ADAM12: variants seen among roughly 807,000 people sequenced by gnomAD.
ADAM12 encodes disintegrin and metalloproteinase domain-containing protein 12.
Under a neutral mutation model 106.4 loss-of-function variants are expected in ADAM12, and 70 were observed. That is an observed-to-expected ratio of 0.66 (90% CI 0.54 to 0.80). The LOEUF (loss-of-function observed/expected upper bound fraction) is 0.80, where lower values mean the gene tolerates loss of function less well. Among genes scored for constraint, ADAM12 ranks in the 30% least tolerant of loss-of-function variants. The pLI is 0.00. For missense variants in ADAM12, 1,010 were observed against 1,171.9 expected (o/e 0.86, Z 2.02); for synonymous variants, 420 against 433.5 (o/e 0.97, Z 0.39).
chr10:126,319,518 C>G (rs1441542336), intron 2 of ADAM12, among the ~76,000 whole-genome samples: 1 of 152,152 alleles, frequency 6.6e-6, no homozygotes, highest in South Asian at 2.1e-4. Flanking sequence ...CTATGCCACA[C>G]CTGATCTCTA....
chr10:126,178,355 G>A (rs1447839576), intron 3 of ADAM12, among the ~76,000 whole-genome samples: 3 of 149,830 alleles, frequency 2.0e-5, no homozygotes, highest in Admixed American at 1.3e-4. Flanking sequence ...TAGGAAAATC[G>A]AGAAATACTT....
Position 126,388,165 on chromosome 10 carries a change from A to C in ADAM12, c.-20T>G. 1.7e-6 allele frequency: 2 copies of C among 1,206,418 alleles called. No homozygotes were observed. Among genetic ancestry groups the C allele is most frequent in the Non-Finnish European group, 2.1e-6 (2 of 971,550 alleles). 74.7% of individuals were successfully genotyped at this position (1,206,418 alleles called of 1,614,324 possible). A position where few individuals can be genotyped will look rare whatever the true frequency, so the allele number is the denominator to read the frequency against. On this transcript the variant is annotated 5_prime_UTR_variant, in exon 1 of 23. Coordinates refer to ENST00000448723, the MANE Select transcript of ADAM12 (RefSeq NM_001288973.2). This position sits in a 1 kb window ranked among gnomAD's most constrained non-coding sequence, Gnocchi z 4.4. ...TGCCATCGTCGCCGGCCTTCAGTGC[A>C]GCAGCTCTCGGGCCCGGCGGCGAGC...
intron 3 of ADAM12, among the ~76,000 whole-genome samples, chr10:126,203,805 C>T (rs1020304148): frequency 6.6e-6 from 1 of 152,188 alleles, no homozygotes; most frequent in African/African-American, 2.4e-5. Context: ...CCCACAGAGA[C>T]TGTGCTATGG....
At chr10:126,368,258 T>C (rs1264781717) in intron 1 of ADAM12, among the ~76,000 whole-genome samples, 4 of 151,938 alleles carry the variant, frequency 2.6e-5, no homozygotes, top group African/African-American at 7.2e-5. Flanking sequence ...GGCTACCCAG[T>C]TGTTATTTAT....
intron 11 of ADAM12, among the ~76,000 whole-genome samples, chr10:126,086,420 A>C (rs983841656): frequency 3.3e-5 from 5 of 149,614 alleles, no homozygotes; most frequent in Non-Finnish European, 5.9e-5. Flanking sequence ...TCACACCTGT[A>C]ATCCCAGCAC....
At chr10:126,341,813 T>C (rs1214560551) in intron 1 of ADAM12, among the ~76,000 whole-genome samples, 2 of 152,072 alleles carry the variant, frequency 1.3e-5, no homozygotes, top group Non-Finnish European at 2.9e-5. Context: ...GGGCACAGGG[T>C]GATGATTTGA....
chr10:126,316,515 T>C (rs1020601531), intron 2 of ADAM12, among the ~76,000 whole-genome samples: 9 of 151,958 alleles, frequency 5.9e-5, no homozygotes, highest in African/African-American at 1.9e-4. Context: ...TGGCTATACA[T>C]GTAAATTGAT....
intron 18 of ADAM12, among the ~76,000 whole-genome samples, chr10:126,040,217 T>C (rs1354825171): frequency 6.6e-6 from 1 of 152,246 alleles, no homozygotes; most frequent in Non-Finnish European, 1.5e-5. Context: ...GGACTCTAAA[T>C]GCTCAGACTT....
chr10:126,377,700 C>G (rs1200922137), intron 1 of ADAM12, among the ~76,000 whole-genome samples: 1 of 152,152 alleles, frequency 6.6e-6, no homozygotes, highest in Non-Finnish European at 1.5e-5. Context: ...GTACGGGATA[C>G]TGAGAACAAT....
chr10:126,228,424 C>G (rs948356028), intron 3 of ADAM12, among the ~76,000 whole-genome samples: 3 of 152,136 alleles, frequency 2.0e-5, no homozygotes, highest in Non-Finnish European at 4.4e-5. Context: ...CAAAAAGTAA[C>G]TTCAAATGTA....
At chr10:126,156,698 G>A (rs1956821981) in intron 3 of ADAM12, among the ~76,000 whole-genome samples, 1 of 152,222 alleles carries the variant, frequency 6.6e-6, no homozygotes, top group Non-Finnish European at 1.5e-5. Context: ...CATCCTGCAA[G>A]GGAAAGGCTT....
intron 6 of ADAM12, 145 bp from the exon 7 acceptor site, chr10:126,109,985 T>A: frequency 1.6e-6 from 1 of 612,468 alleles, no homozygotes; most frequent in Non-Finnish European, 2.6e-6. Context: ...CATCTAGAAG[T>A]TTACCCCAAC....
intron 1 of ADAM12, among the ~76,000 whole-genome samples, chr10:126,376,717 G>T (rs1291885716): frequency 2.0e-5 from 3 of 152,144 alleles, no homozygotes; most frequent in East Asian, 1.9e-4. Context: ...TAGCCTACAA[G>T]TCCCCATACA....
chr10:126,034,349 A>G (rs7923808), intron 21 of ADAM12, among the ~76,000 whole-genome samples: 2,761 of 152,312 alleles, frequency 0.018, 78 homozygotes, highest in East Asian at 0.11. Context: ...AAAACCCCAC[A>G]TAACAGAGTA....
chr10:126,387,118 G>A (rs1449757213), intron 1 of ADAM12, among the ~76,000 whole-genome samples: 2 of 152,212 alleles, frequency 1.3e-5, no homozygotes, highest in Non-Finnish European at 2.9e-5. Context: ...TAGAATCACA[G>A]AACTTGAGAG....
At chr10:126,018,738 A>C (rs912931290) in intron 22 of ADAM12, among the ~76,000 whole-genome samples, 2 of 152,096 alleles carry the variant, frequency 1.3e-5, no homozygotes, top group Non-Finnish European at 2.9e-5. Context: ...TCCCAGCATA[A>C]GTTGGGATTG....
intron 3 of ADAM12, among the ~76,000 whole-genome samples, chr10:126,199,953 A>G (rs1291968990): frequency 6.6e-6 from 1 of 152,202 alleles, no homozygotes; most frequent in Admixed American, 6.5e-5. Context: ...CACAAAATAC[A>G]GGCACTCAAT....
chr10:126,385,379 T>C (rs997340661), intron 1 of ADAM12, among the ~76,000 whole-genome samples: 3 of 152,152 alleles, frequency 2.0e-5, no homozygotes, highest in African/African-American at 7.2e-5. Flanking sequence ...ACTCTAATCA[T>C]GCCTTAACAA....
Position 126,256,287 on chromosome 10 carries a change from T to C in ADAM12, c.260+22628A>G, listed in dbSNP as rs137857720. Among the ~76,000 whole-genome samples the C allele has an allele frequency of 1.8e-3, 270 of 152,298 alleles. 2 individuals carry two copies. The highest frequency in any genetic ancestry group is 6.3e-3 in the African/African-American group (260 of 41,570). On this transcript the variant is annotated intron_variant, in intron 3 of 22. Transcript: ENST00000448723. ...AAACATGAATGCAGAGTCCTATGGC[T>C]CTGTAACAGTAGAAGGCCAATGTAT...
Sources: gnomAD v4.1 joint callset for allele counts (sites outside exome capture counted in the v4.1 genomes callset) on GRCh38, gnomAD v4.1.1 for gene constraint, Gnocchi (gnomAD v3.1) non-coding constraint, MANE v1.5 for transcripts, NCBI Gene and HGNC (gene_info 2026-07-23, HGNC 2026-07-21) for gene names.